Variants in PRKG1 observed in about 807,000 individuals in gnomAD.
PRKG1 encodes protein kinase cGMP-dependent 1, also known as cGMP-dependent protein kinase 1.
Under a neutral mutation model 88.1 loss-of-function variants are expected in PRKG1, and 35 were observed. The observed-to-expected ratio is 0.40, with a 90% CI of 0.30 to 0.53. The LOEUF (loss-of-function observed/expected upper bound fraction) is 0.53, where lower values mean the gene tolerates loss of function less well. Among genes scored for constraint, PRKG1 ranks in the 20% least tolerant of loss-of-function variants. The pLI, the probability that PRKG1 is intolerant of heterozygous loss-of-function variation, is 0.59. For missense variants in PRKG1, 540 were observed against 839.8 expected, an observed-to-expected ratio of 0.64 and a Z score of 4.41; for synonymous variants, 303 against 292.5, an observed-to-expected ratio of 1.04 and a Z score of -0.37.
intron 2 of PRKG1, among the ~76,000 whole-genome samples, chr10:51,444,104 G>GA (rs958702031): frequency 6.0e-5 from 9 of 149,538 alleles, no homozygotes; most frequent in East Asian, 2.0e-4. Context: ...GAGAGTACAG[G>GA]AAAAAAAATA....
intron 2 of PRKG1, among the ~76,000 whole-genome samples, chr10:51,403,187 G>A (rs879679275): frequency 6.6e-6 from 1 of 152,146 alleles, no homozygotes; most frequent in Non-Finnish European, 1.5e-5. Context: ...CCCCTATGCA[G>A]AGTGATGGAT....
intron 7 of PRKG1, among the ~76,000 whole-genome samples, chr10:52,115,548 A>G (rs770117989): frequency 2.2e-4 from 33 of 152,018 alleles, no homozygotes; most frequent in Middle Eastern, 3.2e-3. Flanking sequence ...ATCAGTTCTT[A>G]TCTAAGACAT....
chr10:51,887,288 G>A (rs1440148055), intron 4 of PRKG1, among the ~76,000 whole-genome samples: 2 of 147,688 alleles, frequency 1.4e-5, no homozygotes, highest in Non-Finnish European at 3.0e-5. Context: ...CCTGGCCCAC[G>A]TTTTTCTTTT....
At chr10:52,268,396 C>G (rs1385809079) in intron 10 of PRKG1, among the ~76,000 whole-genome samples, 2 of 152,022 alleles carry the variant, frequency 1.3e-5, no homozygotes, top group African/African-American at 4.8e-5. Context: ...CTTTCTACCC[C>G]ACTTGGCTTC....
chr10:52,129,860 G>T (rs4935031), intron 7 of PRKG1, among the ~76,000 whole-genome samples: 63,122 of 152,014 alleles, frequency 0.42, 14,547 homozygotes, highest in Non-Finnish European at 0.51. Context: ...ACTGCTCAAA[G>T]GTTATTCAAC....
At chr10:52,013,429 AAAAG>A (rs1297088922) in intron 5 of PRKG1, among the ~76,000 whole-genome samples, 2 of 150,742 alleles carry the variant, frequency 1.3e-5, no homozygotes, top group East Asian at 3.9e-4. Context: ...AAAAAAAAAA[AAAAG>A]AAAGATGGTT....
chr10:52,097,049 T>TAAATAA (rs1441971498), intron 7 of PRKG1, among the ~76,000 whole-genome samples: 3 of 152,108 alleles, frequency 2.0e-5, no homozygotes, highest in Non-Finnish European at 4.4e-5. Flanking sequence ...TCAGATAGAT[T>TAAATAA]AAATAAAATT....
chr10:51,657,422 A>T (rs1840188974), intron 3 of PRKG1, among the ~76,000 whole-genome samples: 1 of 152,160 alleles, frequency 6.6e-6, no homozygotes. Flanking sequence ...CTCCAATGAC[A>T]ATGTTCATTG....
intron 3 of PRKG1, among the ~76,000 whole-genome samples, chr10:51,631,491 G>A (rs987666984): frequency 1.3e-5 from 2 of 152,312 alleles, no homozygotes; most frequent in Non-Finnish European, 2.9e-5. Flanking sequence ...GCCACCAGAT[G>A]CAGCTTAATT....
chr10:52,273,613 C>T, intron 12 of PRKG1, among the ~76,000 whole-genome samples: 1 of 151,978 alleles, frequency 6.6e-6, no homozygotes, highest in East Asian at 1.9e-4. Context: ...ATTCCCATGG[C>T]CTTTCTTATA....
chr10:51,410,192 C>CAA (rs1303272184), intron 2 of PRKG1, among the ~76,000 whole-genome samples: 9 of 149,604 alleles, frequency 6.0e-5, no homozygotes, highest in African/African-American at 2.2e-4. Context: ...CTAATAGGAT[C>CAA]AATATTTAAT....
chr10:51,928,131 G>C (rs930612554), intron 5 of PRKG1, among the ~76,000 whole-genome samples: 1 of 152,134 alleles, frequency 6.6e-6, no homozygotes, highest in African/African-American at 2.4e-5. Flanking sequence ...ATTACTTTCA[G>C]TGTCAGCTTC....
At chr10:52,161,728 C>T (rs1189088188) in intron 8 of PRKG1, among the ~76,000 whole-genome samples, 161 bp from the exon 9 acceptor site, 1 of 152,012 alleles carries the variant, frequency 6.6e-6, no homozygotes, top group Non-Finnish European at 1.5e-5. Flanking sequence ...ATATTCTAGT[C>T]AGGAAAAATG....
At chr10:51,555,150 T>C (rs1343004539) in intron 3 of PRKG1, among the ~76,000 whole-genome samples, 2 of 151,926 alleles carry the variant, frequency 1.3e-5, no homozygotes. Context: ...TGTCACGTTT[T>C]TCTTTCTATG....
chr10:51,313,790 A>T (rs1323326518), intron 2 of PRKG1, among the ~76,000 whole-genome samples: 1 of 152,146 alleles, frequency 6.6e-6, no homozygotes, highest in Non-Finnish European at 1.5e-5. Flanking sequence ...ACCTTAAATC[A>T]TCTCTAGGTT....
chr10:52,286,347 GTTC>G (rs1374363988), intron 14 of PRKG1, among the ~76,000 whole-genome samples: 1 of 151,966 alleles, frequency 6.6e-6, no homozygotes, highest in Admixed American at 6.6e-5. Flanking sequence ...ACTGAGTTAA[GTTC>G]TTCTTCAAAT....
At chr10:51,037,722 G>A (rs1843368969) in intron 1 of PRKG1, among the ~76,000 whole-genome samples, 1 of 151,866 alleles carries the variant, frequency 6.6e-6, no homozygotes, top group African/African-American at 2.4e-5. Flanking sequence ...GGCAGAGGTT[G>A]CAGTGAGCCA....
chr10:51,835,841 C>T (rs1455986748), intron 4 of PRKG1, among the ~76,000 whole-genome samples: 1 of 152,098 alleles, frequency 6.6e-6, no homozygotes, highest in Non-Finnish European at 1.5e-5. Flanking sequence ...TATAGTAATT[C>T]ACATTCCTGC....
intron 3 of PRKG1, among the ~76,000 whole-genome samples, chr10:51,601,066 C>A (rs755607633): frequency 2.6e-5 from 4 of 151,708 alleles, no homozygotes; most frequent in Non-Finnish European, 5.9e-5. Context: ...TGGAAAGATG[C>A]AGATTTTCAG....
Sources: allele counts gnomAD v4.1 joint callset (sites outside exome capture counted in the v4.1 genomes callset), GRCh38; gene constraint gnomAD v4.1.1; transcripts MANE v1.5; gene names NCBI Gene and HGNC (gene_info 2026-07-23, HGNC 2026-07-21).